Variants in SNRPN observed in about 807,000 individuals in gnomAD.
SNRPN encodes the protein small nuclear ribonucleoprotein-associated protein N.
In SNRPN, 7 loss-of-function variants were observed where a neutral mutation model predicts 25.2. The observed-to-expected ratio is 0.28, with a 90% CI of 0.16 to 0.52. The LOEUF (loss-of-function observed/expected upper bound fraction) is 0.52, where lower values mean the gene tolerates loss of function less well. SNRPN is among the 20% of genes least tolerant of loss of function. The pLI is 0.96. For missense variants in SNRPN, 196 were observed against 322.5 expected, an observed-to-expected ratio of 0.61 and a Z score of 3.00; for synonymous variants, 124 against 110.6, an observed-to-expected ratio of 1.12 and a Z score of -0.76.
At chr15:24,875,489 G>T (rs1194009604) in intron 1 of SNRPN, among the ~76,000 whole-genome samples, 3 of 152,062 alleles carry the variant, frequency 2.0e-5, no homozygotes, top group Non-Finnish European at 4.4e-5. Context: ...GAACCATCTG[G>T]TGATCATTTT....
chr15:24,975,268 A>AGATT, intron 4 of SNRPN, 90 bp from the exon 5 acceptor site: 1 of 1,000,030 alleles, frequency 1.0e-6, no homozygotes, highest in Non-Finnish European at 1.5e-6. Flanking sequence ...AACCAGGCTT[A>AGATT]GATTATGTAA....
intron 2 of SNRPN, among the ~76,000 whole-genome samples, chr15:24,831,428 G>A (rs1387625202): frequency 6.6e-6 from 1 of 151,978 alleles, no homozygotes; most frequent in Non-Finnish European, 1.5e-5. Flanking sequence ...ATATTGTGAA[G>A]TGAAAAATTC....
rs570782092 is a variant in SNRPN, at chr15:24,866,430, G to A, written c.-579+9714G>A. Among the ~76,000 whole-genome samples, 3 of 152,020 alleles carry A rather than the reference G, an allele frequency of 2.0e-5. No homozygotes were observed. The East Asian group carries it at 5.8e-4, about 29-fold the overall frequency. On this transcript the variant is annotated intron_variant, in intron 1 of 11. Transcript: ENST00000400097. ...TTTTTTTAAATAGACACAGGCTCTC[G>A]CTCTGCACCTAGGCTGGAGTGCAGT...
At chr15:24,964,590 G>A (rs970002674) in intron 2 of SNRPN, among the ~76,000 whole-genome samples, 2 of 152,054 alleles carry the variant, frequency 1.3e-5, no homozygotes, top group Admixed American at 6.6e-5. Context: ...GAGCCACTGC[G>A]CCCAGCCTCT....
At chr15:24,911,281 C>T (rs1388807505) in intron 2 of SNRPN, among the ~76,000 whole-genome samples, 1 of 152,052 alleles carries the variant, frequency 6.6e-6, no homozygotes, top group African/African-American at 2.4e-5. Context: ...GCCAACTGAC[C>T]GTTTCATAAG....
intron 3 of SNRPN, among the ~76,000 whole-genome samples, chr15:24,931,636 C>T (rs1388075674): frequency 6.6e-6 from 1 of 150,972 alleles, no homozygotes; most frequent in African/African-American, 2.4e-5. Flanking sequence ...TTCTGGAGTT[C>T]GAGACCAGCC....
chr15:24,965,981 A>T (rs1242174971), intron 2 of SNRPN, among the ~76,000 whole-genome samples: 3 of 152,166 alleles, frequency 2.0e-5, no homozygotes, highest in African/African-American at 7.2e-5. Context: ...AGATTTATTT[A>T]TTCAGTGATT....
intron 1 of SNRPN, among the ~76,000 whole-genome samples, chr15:24,885,716 CTGTGTGTGTGTG>C (rs58691279): frequency 5.6e-5 from 8 of 141,734 alleles, no homozygotes; most frequent in South Asian, 4.8e-4. Flanking sequence ...GAATCTGGGG[CTGTGTGTGTGTG>C]TGTGTGTGTG....
At chr15:24,939,430 A>G (rs2355601) in intron 3 of SNRPN, among the ~76,000 whole-genome samples, 78,029 of 151,984 alleles carry the variant, frequency 0.51, 21,851 homozygotes, top group African/African-American at 0.74. Flanking sequence ...ATGTATGTAT[A>G]TATGTATGTA....
At chr15:24,884,579 C>A (rs12912072) in intron 1 of SNRPN, among the ~76,000 whole-genome samples, 18,693 of 152,048 alleles carry the variant, frequency 0.12, 1,356 homozygotes, top group Admixed American at 0.24. Context: ...GCATGATCTT[C>A]TGAAGCCTCG....
At chr15:24,894,798 A>G (rs1204695621) in intron 2 of SNRPN, among the ~76,000 whole-genome samples, 2 of 152,202 alleles carry the variant, frequency 1.3e-5, no homozygotes, top group African/African-American at 4.8e-5. Context: ...TCTGTTTTCC[A>G]GAATCCTACC....
At chr15:24,911,003 A>C in intron 2 of SNRPN, 1 of 1,305,160 alleles carries the variant, frequency 7.7e-7, no homozygotes, top group South Asian at 1.2e-5. Flanking sequence ...TGGTGATTTT[A>C]TAGCATCCTG....
intron 2 of SNRPN, 57 bp from the exon 3 acceptor site, chr15:24,967,873 GGT>G: frequency 1.4e-6 from 2 of 1,402,066 alleles, no homozygotes; most frequent in Non-Finnish European, 2.0e-6. Flanking sequence ...TCTTTCATAT[GGT>G]TTCCTATAAA....
At chr15:24,849,411 C>T (rs375208605) in intron 2 of SNRPN, 2 of 152,258 alleles carry the variant, frequency 1.3e-5, no homozygotes, top group Non-Finnish European at 2.9e-5. Flanking sequence ...TTAGTTTTCC[C>T]TAGGACACTG....
intron 3 of SNRPN, among the ~76,000 whole-genome samples, chr15:24,935,450 G>T (rs2061164762): frequency 6.6e-6 from 1 of 152,154 alleles, no homozygotes; most frequent in Non-Finnish European, 1.5e-5. Context: ...CTGTAAGTTA[G>T]GAGGCAAGAA....
intron 1 of SNRPN, among the ~76,000 whole-genome samples, chr15:24,955,801 C>T (rs941486731): frequency 1.3e-5 from 2 of 150,182 alleles, no homozygotes; most frequent in African/African-American, 2.5e-5. Context: ...GTAGGCATGG[C>T]GGTGGTGGAC....
chr15:24,971,594 C>G (rs1204979756), intron 3 of SNRPN, among the ~76,000 whole-genome samples: 1 of 151,870 alleles, frequency 6.6e-6, no homozygotes, highest in Non-Finnish European at 1.5e-5. Context: ...GTCTTCAGTT[C>G]TTTGGGCCAT....
intron 1 of SNRPN, among the ~76,000 whole-genome samples, chr15:24,876,616 CAAA>C (rs397943017): frequency 2.2e-5 from 2 of 88,998 alleles, no homozygotes; most frequent in Non-Finnish European, 2.3e-5. Context: ...GACTCCATCT[CAAA>C]AAAAAAAAAA....
At chr15:24,917,147 AAGAC>A (rs1229385939) in intron 2 of SNRPN, among the ~76,000 whole-genome samples, 2 of 152,198 alleles carry the variant, frequency 1.3e-5, no homozygotes, top group African/African-American at 4.8e-5. Context: ...AACCTGTTGT[AAGAC>A]AGAAAAGTTC....
Sources: gnomAD v4.1 joint callset for allele counts (sites outside exome capture counted in the v4.1 genomes callset) on GRCh38, gnomAD v4.1.1 for gene constraint, MANE v1.5 for transcripts, NCBI Gene and HGNC (gene_info 2026-07-23, HGNC 2026-07-21) for gene names.